Variants in NBEA observed in about 807,000 individuals in gnomAD.
The protein encoded by NBEA is neurobeachin.
NBEA carries 44 observed loss-of-function variants against 343.4 expected under a neutral mutation model. The observed-to-expected ratio is 0.13, with a 90% confidence interval of 0.10 to 0.16. The LOEUF is 0.16. Among genes scored for constraint, NBEA ranks in the 10% least tolerant of loss-of-function variants. NBEA has a pLI of 1.00. For synonymous variants in NBEA, 1,175 were observed against 1,238.7 expected (o/e 0.95, Z 1.08); for missense variants, 2,555 against 3,631.3 (o/e 0.70, Z 7.62).
intron 38 of NBEA, among the ~76,000 whole-genome samples, chr13:35,429,039 GTT>G (rs1452634873): frequency 6.6e-6 from 1 of 152,128 alleles, no homozygotes; most frequent in Non-Finnish European, 1.5e-5. Context: ...CCTCATTGCT[GTT>G]TGTCAGCAGT....
At chr13:35,593,517 G>A (rs1215636957) in intron 47 of NBEA, 70 bp downstream of exon 47, 4 of 1,244,494 alleles carry the variant, frequency 3.2e-6, no homozygotes, top group East Asian at 2.4e-5. Context: ...TTTTAAGTGG[G>A]TATGTATAAG....
intron 1 of NBEA, among the ~76,000 whole-genome samples, chr13:34,991,672 C>T (rs1250776713): frequency 6.6e-6 from 1 of 152,146 alleles, no homozygotes; most frequent in Non-Finnish European, 1.5e-5. Context: ...ATTTTCACTT[C>T]AAGCAGTCAT....
intron 40 of NBEA, among the ~76,000 whole-genome samples, chr13:35,461,789 C>T (rs544440465): frequency 6.6e-6 from 1 of 152,152 alleles, no homozygotes; most frequent in African/African-American, 2.4e-5. Flanking sequence ...ACAGAAGGAT[C>T]AATAAGTCTT....
chr13:35,618,951 C>T (rs1016715335), intron 48 of NBEA, among the ~76,000 whole-genome samples: 1 of 152,040 alleles, frequency 6.6e-6, no homozygotes, highest in Non-Finnish European at 1.5e-5. Flanking sequence ...GCATGCACAG[C>T]AACTGAGGCA....
At chr13:35,292,438 C>G (rs1350376467) in intron 35 of NBEA, among the ~76,000 whole-genome samples, 1 of 152,040 alleles carries the variant, frequency 6.6e-6, no homozygotes, top group Non-Finnish European at 1.5e-5. Flanking sequence ...CTTGGCATAG[C>G]TCTCTCCAAA....
rs528066821 is a variant in NBEA at position 35,429,712 on chromosome 13, G to A, written c.6180-2557G>A. On this transcript the variant is annotated intron_variant, in intron 38 of 58. Coordinates refer to ENST00000379939, the MANE Select transcript of NBEA (RefSeq NM_001385012.1). ...AAGTGGTGACTTCTGAGATTTTGGT[G>A]CACCCATCACCTGAGCAGTGTACCC... is the stretch of plus-strand genomic sequence containing the variant. 4.6e-5 allele frequency among the ~76,000 whole-genome samples: 7 copies of A among 151,970 alleles called. No individual in the cohort carries two copies. In the East Asian group the frequency reaches 7.8e-4, roughly 17 times the overall value.
chr13:35,278,635 A>G (rs1054344299), intron 34 of NBEA, among the ~76,000 whole-genome samples: 8 of 152,322 alleles, frequency 5.3e-5, no homozygotes, highest in Admixed American at 3.9e-4. Context: ...AAGAACCAAT[A>G]CTTTTCCATA....
Position 35,104,146 on chromosome 13 carries a change from T to A in NBEA, c.1681-5144T>A, listed in dbSNP as rs139165104. Among the ~76,000 whole-genome samples the A allele has an allele frequency of 3.3e-5, 5 of 151,946 alleles. No homozygotes were observed. In the East Asian group the frequency reaches 9.7e-4, roughly 29 times the overall value. Reference sequence around the variant, plus strand: ...TTACCCAAGGACTTTTGCATTTACTTCCCCCATTGTTTCCATCACTCTTTC... The same window carrying A: ...TTACCCAAGGACTTTTGCATTTACTACCCCCATTGTTTCCATCACTCTTTC... On this transcript the variant is annotated intron_variant, in intron 11 of 58. Coordinates refer to ENST00000379939, the MANE Select transcript of NBEA (RefSeq NM_001385012.1).
chr13:35,049,472 A>G (rs2062987183), intron 5 of NBEA, among the ~76,000 whole-genome samples: 1 of 151,858 alleles, frequency 6.6e-6, no homozygotes, highest in Non-Finnish European at 1.5e-5. Flanking sequence ...TCATATTTAA[A>G]GCTCTTTGTA....
intron 1 of NBEA, among the ~76,000 whole-genome samples, chr13:34,963,073 T>G (rs2059708974): frequency 6.6e-6 from 1 of 152,040 alleles, no homozygotes; most frequent in Admixed American, 6.6e-5. Flanking sequence ...ATTTCAGGTG[T>G]TTGATTTTCT....
intron 41 of NBEA, chr13:35,476,490 T>TA (rs1045680815): frequency 9.7e-6 from 7 of 723,810 alleles, no homozygotes; most frequent in Middle Eastern, 4.1e-4. Context: ...TTCTCAGGAA[T>TA]AAAAAACAAA....
Position 35,195,924 on chromosome 13 carries a change from A to C in NBEA, c.4988A>C (p.Asp1663Ala). ...AAAGAAACACCAACTCCTGGTGAAG[A>C]TATTCAGGTAGAAAGTTCAATTCCC... ...KEKETPTPGEDIQVESSIPHT... is the reference protein window; with the variant it reads ...KEKETPTPGEAIQVESSIPHT... The change falls in exon 31 of 59, where the codon GAT becomes GCT. Residue 1663 changes from aspartate (D) to alanine (A), a missense_variant. Transcript: ENST00000379939. 6.2e-7 allele frequency: 1 copy of C among 1,613,248 alleles called. No homozygotes were observed. Among genetic ancestry groups the C allele is most frequent in the Non-Finnish European group, 8.5e-7 (1 of 1,179,588 alleles).
intron 17 of NBEA, among the ~76,000 whole-genome samples, chr13:35,124,553 T>TAC (rs1326318922): frequency 6.7e-6 from 1 of 149,790 alleles, no homozygotes; most frequent in African/African-American, 2.4e-5. Context: ...GATATATATA[T>TAC]ACATACACAT....
At chr13:35,131,150 G>A (rs868791076) in intron 17 of NBEA, among the ~76,000 whole-genome samples, 11 of 152,018 alleles carry the variant, frequency 7.2e-5, no homozygotes. Flanking sequence ...CTATTAAACA[G>A]AGTAACGGCA....
intron 1 of NBEA, among the ~76,000 whole-genome samples, chr13:34,986,300 G>A (rs1045921281): frequency 2.0e-5 from 3 of 150,808 alleles, no homozygotes; most frequent in Admixed American, 2.0e-4. Flanking sequence ...GTATCCAGTA[G>A]TCATTCAGGA....
At chr13:34,950,280 C>T (rs2059309425) in intron 1 of NBEA, among the ~76,000 whole-genome samples, 1 of 152,088 alleles carries the variant, frequency 6.6e-6, no homozygotes. Flanking sequence ...GAATGTAAGT[C>T]TAGAATTGAT....
rs113931430 is a variant in NBEA at position 35,668,337 on chromosome 13, T to A, written c.8662-31T>A. The A allele has an allele frequency of 3.1e-5, 48 of 1,541,446 alleles. No individual in the cohort carries two copies. In the African/African-American group the frequency reaches 6.6e-4, roughly 21 times the overall value. On this transcript the variant is annotated intron_variant, in intron 57 of 58. Transcript: ENST00000379939. ...TGTGTATTTTATTTTATTTTGTTTT[T>A]TTTTGTTTGTTTGTTTTACCTTTTC... is the stretch of plus-strand genomic sequence containing the variant.
chr13:35,420,136 T>A (rs1256441130), intron 38 of NBEA, among the ~76,000 whole-genome samples: 1 of 152,054 alleles, frequency 6.6e-6, no homozygotes, highest in Non-Finnish European at 1.5e-5. Context: ...CCTTACTGCA[T>A]TGGCTAGAAA....
chr13:35,228,374 CTT>C (rs376741335), intron 33 of NBEA, among the ~76,000 whole-genome samples: 2,209 of 143,630 alleles, frequency 0.015, 51 homozygotes, highest in African/African-American at 0.053. Context: ...AAGTAATTCT[CTT>C]TTTTTTTTTT....
Sources: gnomAD v4.1 joint callset for allele counts (sites outside exome capture counted in the v4.1 genomes callset) on GRCh38, gnomAD v4.1.1 for gene constraint, MANE v1.5 for transcripts, NCBI Gene and HGNC (gene_info 2026-07-23, HGNC 2026-07-21) for gene names.